TARS3: variants seen among roughly 807,000 people sequenced by gnomAD.
TARS3 encodes threonyl-tRNA synthetase 3.
TARS3 carries 94 observed loss-of-function variants against 103.5 expected under a neutral mutation model. The observed-to-expected ratio is 0.91, with a 90% CI of 0.77 to 1.08. The LOEUF is 1.08. Ranked by LOEUF, TARS3 falls within the 50% of genes least tolerant of loss-of-function variation. The probability of loss-of-function intolerance (pLI) is 0.00; values close to 1 mark genes in which losing one functional copy is unlikely to be tolerated. For missense variants in TARS3, 952 were observed against 995.2 expected, an observed-to-expected ratio of 0.96 and a Z score of 0.58; for synonymous variants, 416 against 355.4, an observed-to-expected ratio of 1.17 and a Z score of -1.92.
At chr15:101,674,369 A>C (rs1255431205) in intron 13 of TARS3, among the ~76,000 whole-genome samples, 1 of 151,992 alleles carries the variant, frequency 6.6e-6, no homozygotes. Context: ...AGGAAAAAAG[A>C]CTCCTATGCT....
chr15:101,682,178 T>C (rs1898281327), intron 12 of TARS3, among the ~76,000 whole-genome samples: 1 of 152,146 alleles, frequency 6.6e-6, no homozygotes. Flanking sequence ...ATCAGAGAAG[T>C]AATGAGATAA....
rs541323913 is a variant in TARS3, at chr15:101,715,013, A to G, written c.567-50T>C. The G allele has an allele frequency of 4.0e-5, 60 of 1,507,126 alleles. No individual in the cohort carries two copies. The East Asian group carries it at 1.3e-3, about 32-fold the overall frequency. 93.4% of individuals were successfully genotyped at this position (1,507,126 alleles called of 1,614,324 possible). ...AGTTAACTTTATCACTGTTACAATG[A>G]TTCCTTAAAATATTAAAAGAATTTC... On this transcript the variant is annotated intron_variant, in intron 3 of 18. Coordinates refer to ENST00000335968, the MANE Select transcript of TARS3 (RefSeq NM_152334.3).
chr15:101,666,474 C>CA (rs11450994), intron 15 of TARS3, among the ~76,000 whole-genome samples: 5,966 of 44,504 alleles, frequency 0.13, 393 homozygotes, highest in African/African-American at 0.15. Context: ...AGACTCATCT[C>CA]AAAAAAAAAA....
At chr15:101,671,334 G>T (rs1242418626) in intron 15 of TARS3, 152 bp downstream of exon 15, 2 of 569,800 alleles carry the variant, frequency 3.5e-6, no homozygotes, top group Non-Finnish European at 6.0e-6. Context: ...AAGTTGATTC[G>T]CAACTGGATT....
intron 12 of TARS3, among the ~76,000 whole-genome samples, chr15:101,681,678 G>A (rs544140617): frequency 7.1e-4 from 108 of 152,258 alleles, no homozygotes; most frequent in African/African-American, 2.4e-3. Context: ...GTCCTCACAC[G>A]GCAGAGAGAA....
chr15:101,704,959 G>C (rs1338223197), intron 7 of TARS3, among the ~76,000 whole-genome samples: 2 of 152,152 alleles, frequency 1.3e-5, no homozygotes, highest in South Asian at 4.1e-4. Context: ...ACTGTCGAAA[G>C]TAAGTACCAT....
intron 10 of TARS3, among the ~76,000 whole-genome samples, chr15:101,690,758 A>C (rs961789710): frequency 6.6e-6 from 1 of 152,186 alleles, no homozygotes; most frequent in African/African-American, 2.4e-5. Flanking sequence ...TTCTGCAGTA[A>C]AGTTTTTTTC....
At chr15:101,711,183 G>C (rs1899849118) in intron 5 of TARS3, among the ~76,000 whole-genome samples, 1 of 152,172 alleles carries the variant, frequency 6.6e-6, no homozygotes, top group Admixed American at 6.5e-5. Context: ...TTAATACCAT[G>C]CTCTAGCAAG....
intron 3 of TARS3, among the ~76,000 whole-genome samples, chr15:101,720,507 C>T (rs1434326584): frequency 1.3e-5 from 2 of 152,096 alleles, no homozygotes; most frequent in Non-Finnish European, 2.9e-5. Context: ...GTAAAATGGC[C>T]TATCAAGAAT....
At chr15:101,687,762 T>C (rs1042972479) in intron 10 of TARS3, among the ~76,000 whole-genome samples, 3 of 152,146 alleles carry the variant, frequency 2.0e-5, no homozygotes, top group African/African-American at 4.8e-5. Flanking sequence ...TATTAGGAAG[T>C]AGGGCCTCTG....
In TARS3 at chr15:101,724,126, C is replaced by G; in HGVS notation, c.262G>C (p.Ala88Pro). Residue 88 changes from alanine to proline, a missense_variant, in exon 1 of 19, where the codon GCG becomes CCG. By Grantham distance (27) the Ala-to-Pro change is conservative. Coordinates refer to ENST00000335968, the MANE Select transcript of TARS3 (RefSeq NM_152334.3). ...ERSRQATLES[A>P]ELEAAQEAGA... Reference sequence around the variant, plus strand: ...GCCTCCTGCGCCGCCTCTAGCTCCGCGCTCTCCAGCGTGGCCTGGCGGCTC... The same window carrying G: ...GCCTCCTGCGCCGCCTCTAGCTCCGGGCTCTCCAGCGTGGCCTGGCGGCTC... 7.1e-7 allele frequency: 1 copy of G among 1,416,932 alleles called. No homozygotes were observed. Among genetic ancestry groups the G allele is most frequent in the Non-Finnish European group, 9.2e-7 (1 of 1,085,926 alleles). 87.8% of individuals were successfully genotyped at this position (1,416,932 alleles called of 1,614,324 possible).
At chr15:101,662,188 T>C (rs112637728) in intron 15 of TARS3, among the ~76,000 whole-genome samples, 1 of 152,286 alleles carries the variant, frequency 6.6e-6, no homozygotes, top group African/African-American at 2.4e-5. Flanking sequence ...GTTCCTGATA[T>C]GTGTTCTTGA....
At chr15:101,667,055 G>C (rs979066407) in intron 15 of TARS3, among the ~76,000 whole-genome samples, 19 of 152,134 alleles carry the variant, frequency 1.2e-4, no homozygotes, top group Non-Finnish European at 2.8e-4. Context: ...TAATCTCCTT[G>C]TACGTCTCCA....
intron 18 of TARS3, 111 bp downstream of exon 18, chr15:101,656,811 A>C (rs1897211148): frequency 1.5e-6 from 1 of 688,974 alleles, no homozygotes; most frequent in Non-Finnish European, 2.5e-6. Context: ...TGTAAGTATT[A>C]AATAGACAAA....
rs749537529 is a variant in TARS3, at chr15:101,723,155, TAGG to T, written c.304_306del (p.Pro102del). On this transcript the variant is annotated inframe_deletion, in exon 2 of 19. Transcript: ENST00000335968. Reference sequence around the variant, plus strand: ...TTCATGTCCTTGTCTTGGCTTTGACTAGGAGGAGGCTGAAAGATAAATTATAAA... The same window carrying T: ...TTCATGTCCTTGTCTTGGCTTTGACTAGGAGGCTGAAAGATAAATTATAAA... The T allele has an allele frequency of 2.5e-5, 40 of 1,613,718 alleles. No individual in the cohort carries two copies. Among genetic ancestry groups the T allele is most frequent in the Non-Finnish European group, 3.1e-5 (37 of 1,179,756 alleles).
chr15:101,698,937 G>C (rs1036133983), intron 10 of TARS3, among the ~76,000 whole-genome samples: 1 of 152,180 alleles, frequency 6.6e-6, no homozygotes, highest in Admixed American at 6.5e-5. Context: ...AAACCCAAGG[G>C]GGTCATGACC....
At chr15:101,672,672 GA>G (rs760222719) in intron 13 of TARS3, among the ~76,000 whole-genome samples, 27 of 152,266 alleles carry the variant, frequency 1.8e-4, no homozygotes, top group Non-Finnish European at 3.1e-4. Flanking sequence ...GATCTTGAGA[GA>G]GACGGAGATT....
intron 15 of TARS3, 61 bp from the exon 16 acceptor site, chr15:101,661,877 C>A (rs1019458087): frequency 1.9e-6 from 2 of 1,035,316 alleles, no homozygotes; most frequent in African/African-American, 3.3e-5. Flanking sequence ...ATCTTCTAGC[C>A]TTATATTTAA....
At chr15:101,690,003 C>T (rs747212897) in intron 10 of TARS3, among the ~76,000 whole-genome samples, 2 of 152,190 alleles carry the variant, frequency 1.3e-5, no homozygotes, top group Non-Finnish European at 2.9e-5. Flanking sequence ...ACATGAAGGG[C>T]ACTCATGGTG....
Sources: gnomAD v4.1 joint callset for allele counts (sites outside exome capture counted in the v4.1 genomes callset) on GRCh38, gnomAD v4.1.1 for gene constraint, MANE v1.5 for transcripts, NCBI Gene and HGNC (gene_info 2026-07-23, HGNC 2026-07-21) for gene names.